GALNT14: variants seen among roughly 807,000 people sequenced by gnomAD.
GALNT14 encodes polypeptide N-acetylgalactosaminyltransferase 14, also known as UDP-GalNAc:polypeptide N-acetylgalactosaminyltransferase 14.
A neutral mutation model predicts 77.5 loss-of-function variants in GALNT14; 60 were observed. The observed-to-expected ratio is 0.77, with a 90% confidence interval of 0.63 to 0.96. The LOEUF (loss-of-function observed/expected upper bound fraction) is 0.96, where lower values mean the gene tolerates loss of function less well. Ranked by LOEUF, GALNT14 falls within the 40% of genes least tolerant of loss-of-function variation. The pLI is 0.00. For missense variants in GALNT14, 710 were observed against 731.0 expected (o/e 0.97, Z 0.33); for synonymous variants, 280 against 281.7 (o/e 0.99, Z 0.06).
intron 3 of GALNT14, among the ~76,000 whole-genome samples, chr2:30,960,465 A>T (rs1025165708): frequency 2.0e-5 from 3 of 152,210 alleles, no homozygotes; most frequent in African/African-American, 7.2e-5. Context: ...GTGAATAAAA[A>T]ATGTCCAGGG....
At chr2:30,907,385 C>A (rs1664173094), downstream of GALNT14, among the ~76,000 whole-genome samples, 1 of 152,122 alleles carries the variant, frequency 6.6e-6, no homozygotes, top group Non-Finnish European at 1.5e-5. Flanking sequence ...GATATCACCA[C>A]CGATCCCACA....
At chr2:31,091,974 G>C (rs989971590) in intron 1 of GALNT14, among the ~76,000 whole-genome samples, 2 of 152,106 alleles carry the variant, frequency 1.3e-5, no homozygotes. Flanking sequence ...AAGGTGGAAG[G>C]AGCCAACTTC....
At chr2:30,934,367 A>G (rs1048134474) in intron 9 of GALNT14, among the ~76,000 whole-genome samples, 3 of 152,060 alleles carry the variant, frequency 2.0e-5, no homozygotes, top group Admixed American at 2.0e-4. Context: ...AAAATGGAAA[A>G]CCCTCCAATT....
chr2:31,001,741 C>T (rs1558481993), intron 1 of GALNT14, among the ~76,000 whole-genome samples: 1 of 151,688 alleles, frequency 6.6e-6, no homozygotes, highest in Non-Finnish European at 1.5e-5. Context: ...ACTCTGGATA[C>T]AGGAATACTA....
At chr2:30,936,223 G>A (rs1162268183) in intron 9 of GALNT14, among the ~76,000 whole-genome samples, 1 of 151,850 alleles carries the variant, frequency 6.6e-6, no homozygotes, top group African/African-American at 2.4e-5. Context: ...GATCAGTAGT[G>A]CTTACCACCC....
intron 11 of GALNT14, among the ~76,000 whole-genome samples, chr2:30,926,868 G>A (rs1187948267): frequency 6.6e-6 from 1 of 152,166 alleles, no homozygotes; most frequent in African/African-American, 2.4e-5. Context: ...GAGAAAGGAG[G>A]GGAGTGGAGA....
chr2:30,955,592 C>G (rs372237863), intron 6 of GALNT14, 26 bp downstream of exon 6: 2 of 1,609,736 alleles, frequency 1.2e-6, no homozygotes, highest in Non-Finnish European at 1.7e-6. Context: ...GCACGAGGCC[C>G]GGCCCTGCTC....
intron 1 of GALNT14, among the ~76,000 whole-genome samples, chr2:31,122,288 A>C (rs1678452116): frequency 6.6e-6 from 1 of 152,234 alleles, no homozygotes; most frequent in African/African-American, 2.4e-5. Flanking sequence ...GATACCTGGA[A>C]GACTACAAGC....
At chr2:30,976,156 CT>C (rs1363895901) in intron 2 of GALNT14, among the ~76,000 whole-genome samples, 1 of 152,148 alleles carries the variant, frequency 6.6e-6, no homozygotes, top group Non-Finnish European at 1.5e-5. Context: ...ACTCTTTGTT[CT>C]GGAACCAGCA....
Position 31,025,381 on chromosome 2 carries a change from A to G in GALNT14, c.130-32374T>C, listed in dbSNP as rs143480772. On this transcript the variant is annotated intron_variant, in intron 1 of 14. Transcript: ENST00000349752. ...CCTGCAAGGTGCCCACCCATCACCA[A>G]CACTCCATATTATGGAGAGAGAGAC... Among the ~76,000 whole-genome samples, 918 of 152,252 alleles carry G rather than the reference A, an allele frequency of 6.0e-3. 15 individuals carry two copies. The highest frequency in any genetic ancestry group is 0.03 in the Admixed American group (451 of 15,288).
the GALNT14 span, among the ~76,000 whole-genome samples, chr2:30,888,900 G>A: frequency 6.6e-6 from 1 of 152,092 alleles, no homozygotes; most frequent in Non-Finnish European, 1.5e-5. Context: ...GCCATGAGTT[G>A]TATTGTCCCC....
intron 6 of GALNT14, among the ~76,000 whole-genome samples, chr2:30,949,904 A>G (rs949275291): frequency 1.3e-5 from 2 of 152,186 alleles, no homozygotes; most frequent in African/African-American, 4.8e-5. Context: ...TGGGGAACAC[A>G]GGGAGGAATC....
chr2:30,933,172 T>G (rs1443905700), intron 9 of GALNT14, among the ~76,000 whole-genome samples: 28 of 152,178 alleles, frequency 1.8e-4, no homozygotes, highest in Admixed American at 1.7e-3. Flanking sequence ...AGAATGACTG[T>G]GAGTGTTATC....
At chr2:31,019,649 G>T (rs894304047) in intron 1 of GALNT14, among the ~76,000 whole-genome samples, 1 of 152,188 alleles carries the variant, frequency 6.6e-6, no homozygotes, top group Non-Finnish European at 1.5e-5. Context: ...GGCTATCGCT[G>T]TCTTTCCAGA....
At chr2:31,102,614 T>C (rs1274476376) in intron 1 of GALNT14, among the ~76,000 whole-genome samples, 1 of 152,160 alleles carries the variant, frequency 6.6e-6, no homozygotes, top group Non-Finnish European at 1.5e-5. Flanking sequence ...TTGAAAGATA[T>C]ATTTTCTTCA....
chr2:30,951,516 G>T (rs564606931), intron 6 of GALNT14, among the ~76,000 whole-genome samples: 2 of 152,320 alleles, frequency 1.3e-5, no homozygotes, highest in East Asian at 3.9e-4. Context: ...TTGGGGTGAT[G>T]AAAACTTTTA....
At chr2:30,988,999 C>T (rs1477951188) in intron 2 of GALNT14, among the ~76,000 whole-genome samples, 15 of 152,102 alleles carry the variant, frequency 9.9e-5, no homozygotes, top group African/African-American at 2.4e-5. Context: ...ACTCACGGGC[C>T]CCATCTCAGA....
chr2:31,126,526 T>C (rs1167915142), intron 1 of GALNT14, among the ~76,000 whole-genome samples: 1 of 152,198 alleles, frequency 6.6e-6, no homozygotes, highest in Non-Finnish European at 1.5e-5. Flanking sequence ...TTAAAAAGAA[T>C]AGATGACTAA....
In GALNT14 at chr2:30,945,828, G is replaced by C. The variant is rs372619349; in HGVS notation, c.697C>G (p.Leu233Val). Reference sequence around the variant, plus strand: ...GACTCGATGTAGGTGAAGGTGTCCAGGTTAATGATATCGATCACAGGGCAC... The same window carrying C: ...GACTCGATGTAGGTGAAGGTGTCCACGTTAATGATATCGATCACAGGGCAC... ...VVCPVIDIIN[L>V]DTFTYIESAS... The change falls in exon 7 of 15, where the codon CTG becomes GTG. Residue 233 changes from leucine to valine, a missense_variant. Leu to Val is a conservative substitution (Grantham distance 32). Coordinates refer to ENST00000349752, the MANE Select transcript of GALNT14 (RefSeq NM_024572.4). The C allele has an allele frequency of 2.2e-4, 354 of 1,614,140 alleles. 4 individuals carry two copies. In the South Asian group the frequency reaches 3.6e-3, roughly 16 times the overall value.
Sources: gnomAD v4.1 joint callset for allele counts (sites outside exome capture counted in the v4.1 genomes callset) on GRCh38, gnomAD v4.1.1 for gene constraint, MANE v1.5 for transcripts, NCBI Gene and HGNC (gene_info 2026-07-23, HGNC 2026-07-21) for gene names.